IL1RAPL1: variants seen among roughly 807,000 people sequenced by gnomAD.
The protein encoded by IL1RAPL1 is interleukin-1 receptor accessory protein-like 1.
Under a neutral mutation model 48.4 loss-of-function variants are expected in IL1RAPL1, and 3 were observed. The ratio of observed to expected loss-of-function variants is 0.06; its 90% CI spans 0.03 to 0.16. IL1RAPL1 has a LOEUF of 0.16. IL1RAPL1 is among the 10% of genes least tolerant of loss of function. IL1RAPL1 has a pLI of 1.00. For synonymous variants in IL1RAPL1, 185 were observed against 187.7 expected, an observed-to-expected ratio of 0.99 and a Z score of 0.12; for missense variants, 349 against 530.6, an observed-to-expected ratio of 0.66 and a Z score of 3.36.
chrX:29,668,688 T>C (rs1468640376), intron 6 of IL1RAPL1, among the ~76,000 whole-genome samples, 184 bp downstream of exon 6: 1 of 111,810 alleles, frequency 8.9e-6, no homozygotes, highest in African/African-American at 3.2e-5. Context: ...TAGGACCCAG[T>C]TGGACATATG....
intron 3 of IL1RAPL1, among the ~76,000 whole-genome samples, chrX:29,322,247 T>C (rs199776132): frequency 9.1e-6 from 1 of 110,018 alleles, no homozygotes; most frequent in Admixed American, 9.8e-5. Context: ...CTTTCTGTCT[T>C]TCTCTTTCTC....
chrX:28,892,209 T>G (rs1922790316), intron 2 of IL1RAPL1, among the ~76,000 whole-genome samples: 2 of 109,505 alleles, frequency 1.8e-5, no homozygotes, highest in Admixed American at 9.9e-5. Flanking sequence ...GGCCGAGTCC[T>G]AAAAGAGAGT....
At chrX:29,885,303 G>A (rs1281068284) in intron 6 of IL1RAPL1, among the ~76,000 whole-genome samples, 3 of 111,883 alleles carry the variant, frequency 2.7e-5, no homozygotes, top group African/African-American at 9.8e-5. Context: ...GCATTTCTGA[G>A]GTCTACCTTT....
chrX:29,084,638 T>G (rs1927912618), intron 2 of IL1RAPL1, among the ~76,000 whole-genome samples: 1 of 112,511 alleles, frequency 8.9e-6, no homozygotes, highest in South Asian at 3.7e-4. Context: ...AGGGCTAATG[T>G]GGGCTTATTT....
At chrX:29,337,085 G>T (rs1387774949) in intron 3 of IL1RAPL1, among the ~76,000 whole-genome samples, 1 of 111,337 alleles carries the variant, frequency 9.0e-6, no homozygotes, top group Non-Finnish European at 1.9e-5. Context: ...GCATACAAAG[G>T]TGCCATACTT....
chrX:29,806,838 G>A (rs934841406), intron 6 of IL1RAPL1, among the ~76,000 whole-genome samples: 2 of 111,083 alleles, frequency 1.8e-5, no homozygotes, highest in East Asian at 5.7e-4. Context: ...GTGGGGACTG[G>A]TGGGAGGTGA....
chrX:29,018,263 T>C (rs1419254874), intron 2 of IL1RAPL1, among the ~76,000 whole-genome samples: 3 of 112,530 alleles, frequency 2.7e-5, no homozygotes, highest in Non-Finnish European at 5.6e-5. Context: ...TCCAGTAATA[T>C]TTAAGGTCCT....
intron 2 of IL1RAPL1, among the ~76,000 whole-genome samples, chrX:28,921,191 T>C (rs1601959343): frequency 9.0e-6 from 1 of 111,226 alleles, no homozygotes; most frequent in South Asian, 3.8e-4. Context: ...TTGGGACAAA[T>C]GGTAATTATA....
At chrX:29,465,858 C>G (rs751135957) in intron 5 of IL1RAPL1, among the ~76,000 whole-genome samples, 1 of 111,407 alleles carries the variant, frequency 9.0e-6, no homozygotes, top group African/African-American at 3.3e-5. Flanking sequence ...AAAATGCTCA[C>G]TAGTTAATTG....
At chrX:29,310,735 C>T (rs969829599) in intron 3 of IL1RAPL1, among the ~76,000 whole-genome samples, 1 of 112,118 alleles carries the variant, frequency 8.9e-6, no homozygotes, top group Non-Finnish European at 1.9e-5. Context: ...TTTTAATGCT[C>T]TTTCTAAATT....
chrX:28,645,347 CAAA>C (rs35814453), intron 1 of IL1RAPL1, among the ~76,000 whole-genome samples: 4,342 of 28,706 alleles, frequency 0.15, 89 homozygotes, highest in South Asian at 0.22. Context: ...AATTCCGCCT[CAAA>C]AAAAAAAAAA....
At chrX:28,873,106 C>CTTTTTTTTTTTTTTTTTTTT (rs764591682) in intron 2 of IL1RAPL1, among the ~76,000 whole-genome samples, 2 of 64,990 alleles carry the variant, frequency 3.1e-5, no homozygotes, top group African/African-American at 8.2e-5. Context: ...TTTTTTTTCA[C>CTTTTTTTTTTTTTTTTTTTT]TTTTTTTTTT....
At chrX:29,888,621 A>ATAT (rs754295434) in intron 6 of IL1RAPL1, among the ~76,000 whole-genome samples, 4 of 111,246 alleles carry the variant, frequency 3.6e-5, no homozygotes, top group Non-Finnish European at 7.5e-5. Context: ...TCATCTGGTT[A>ATAT]TATTTTCAGT....
intron 5 of IL1RAPL1, among the ~76,000 whole-genome samples, chrX:29,660,689 A>G (rs1925818315): frequency 9.0e-6 from 1 of 111,156 alleles, no homozygotes; most frequent in Non-Finnish European, 1.9e-5. Context: ...CCATTGGTGT[A>G]TGTGTTTGTT....
intron 1 of IL1RAPL1, among the ~76,000 whole-genome samples, chrX:28,762,823 C>CACACACACAGAGAG (rs1268556014): frequency 1.4e-4 from 5 of 36,778 alleles, no homozygotes; most frequent in East Asian, 1.4e-3. Context: ...CACACACACA[C>CACACACACAGAGAG]AGAGAGAGAG....
chrX:29,162,603 A>T (rs1410190359), intron 2 of IL1RAPL1, among the ~76,000 whole-genome samples: 1 of 110,743 alleles, frequency 9.0e-6, no homozygotes, highest in African/African-American at 3.3e-5. Context: ...GAATTGAAAT[A>T]ATGGAATACA....
chrX:29,347,716 AC>A (rs1205618063), intron 3 of IL1RAPL1, among the ~76,000 whole-genome samples: 1 of 111,493 alleles, frequency 9.0e-6, no homozygotes, highest in Non-Finnish European at 1.9e-5. Flanking sequence ...GAGAATTTTT[AC>A]TTTTTCACTT....
chrX:28,594,756 G>A (rs1446606187), intron 1 of IL1RAPL1, among the ~76,000 whole-genome samples: 2 of 112,117 alleles, frequency 1.8e-5, no homozygotes, highest in African/African-American at 3.2e-5. Flanking sequence ...GTGATCAGTC[G>A]TCTGACTTCT....
intron 2 of IL1RAPL1, among the ~76,000 whole-genome samples, chrX:29,165,745 T>C (rs1377669618): frequency 1.8e-5 from 2 of 112,001 alleles, no homozygotes. Context: ...TTTTATAGTT[T>C]CCCTTTGGCC....
Sources: allele counts gnomAD v4.1 joint callset (sites outside exome capture counted in the v4.1 genomes callset), GRCh38; gene constraint gnomAD v4.1.1; transcripts MANE v1.5; gene names NCBI Gene and HGNC (gene_info 2026-07-23, HGNC 2026-07-21).